Variants in SGIP1 observed in about 807,000 individuals in gnomAD.
SGIP1 encodes the protein SH3GL interacting endocytic adaptor 1.
A neutral mutation model predicts 107.5 loss-of-function variants in SGIP1; 38 were observed. The ratio of observed to expected loss-of-function variants is 0.35; its 90% CI spans 0.27 to 0.46. The LOEUF is 0.46. Ranked by LOEUF, SGIP1 falls within the 20% of genes least tolerant of loss-of-function variation. The pLI, the probability that SGIP1 is intolerant of heterozygous loss-of-function variation, is 1.00. For synonymous variants in SGIP1, 365 were observed against 366.1 expected (o/e 1.00, Z 0.03); for missense variants, 929 against 1,019.5 (o/e 0.91, Z 1.21).
At chr1:66,647,886 C>G (rs1369538078) in intron 7 of SGIP1, among the ~76,000 whole-genome samples, 1 of 152,104 alleles carries the variant, frequency 6.6e-6, no homozygotes, top group African/African-American at 2.4e-5. Context: ...AAAGGATGAA[C>G]AAATGGTAAA....
At chr1:66,656,869 C>G (rs6656550) in intron 7 of SGIP1, among the ~76,000 whole-genome samples, 1 of 151,988 alleles carries the variant, frequency 6.6e-6, no homozygotes, top group Non-Finnish European at 1.5e-5. Context: ...TCCCATTTAT[C>G]AAAATATAAA....
intron 19 of SGIP1, among the ~76,000 whole-genome samples, chr1:66,725,401 T>C (rs536410): frequency 0.44 from 66,597 of 152,064 alleles, 15,897 homozygotes; most frequent in African/African-American, 0.58. Flanking sequence ...ACGTGGAGTC[T>C]CCATGCTCCA....
At chr1:66,673,129 A>G (rs377607917) in intron 11 of SGIP1, 152 bp from the exon 12 acceptor site, 10 of 706,882 alleles carry the variant, frequency 1.4e-5, no homozygotes, top group East Asian at 2.6e-5. Flanking sequence ...AATACTTTCT[A>G]GCCCTAACGG....
At chr1:66,610,945 G>T (rs1481574685) in intron 1 of SGIP1, among the ~76,000 whole-genome samples, 1 of 151,992 alleles carries the variant, frequency 6.6e-6, no homozygotes, top group Non-Finnish European at 1.5e-5. Flanking sequence ...AGGATGCAAA[G>T]TCGTAAGAAT....
At chr1:66,586,444 T>G (rs953832339) in intron 1 of SGIP1, among the ~76,000 whole-genome samples, 1 of 152,128 alleles carries the variant, frequency 6.6e-6, no homozygotes, top group Non-Finnish European at 1.5e-5. Context: ...AACATGTTTT[T>G]TCAGAATTAT....
chr1:66,656,627 A>C (rs539690744), intron 7 of SGIP1, among the ~76,000 whole-genome samples: 30 of 152,312 alleles, frequency 2.0e-4, no homozygotes, highest in Admixed American at 5.9e-4. Flanking sequence ...ACAATGCATG[A>C]CAGTATTTAT....
chr1:66,676,968 T>A (rs774345908), intron 12 of SGIP1, 36 bp from the exon 13 acceptor site: 1 of 1,543,310 alleles, frequency 6.5e-7, no homozygotes, highest in Non-Finnish European at 8.8e-7. Context: ...GGATTTTTTT[T>A]AACTCACCCT....
intron 1 of SGIP1, among the ~76,000 whole-genome samples, chr1:66,609,008 G>GATGAAGGTCACTTATATCCCACAGGC: frequency 6.6e-6 from 1 of 152,008 alleles, no homozygotes; most frequent in Non-Finnish European, 1.5e-5. Context: ...ATCCCACAGG[G>GATGAAGGTCACTTATATCCCACAGGC]ATGAAGGTCA....
At chr1:66,689,338 T>A in intron 16 of SGIP1, 63 bp downstream of exon 16, 1 of 1,575,168 alleles carries the variant, frequency 6.3e-7, no homozygotes, top group Non-Finnish European at 8.6e-7. Context: ...AAGCTCCAAA[T>A]GCCTTCAGGT....
intron 14 of SGIP1, among the ~76,000 whole-genome samples, chr1:66,680,352 A>T (rs143160370): frequency 6.6e-6 from 1 of 152,240 alleles, no homozygotes; most frequent in Non-Finnish European, 1.5e-5. Context: ...AATCAATACT[A>T]TGTATTCATA....
intron 15 of SGIP1, among the ~76,000 whole-genome samples, chr1:66,684,427 A>G (rs563078715): frequency 7.9e-4 from 120 of 152,344 alleles, no homozygotes; most frequent in Non-Finnish European, 1.4e-3. Flanking sequence ...TTGAGGGGAT[A>G]CAAAGCTCCT....
At chr1:66,717,370 C>CTTTA (rs2093305042) in intron 18 of SGIP1, among the ~76,000 whole-genome samples, 1 of 152,092 alleles carries the variant, frequency 6.6e-6, no homozygotes, top group Non-Finnish European at 1.5e-5. Flanking sequence ...TTTATTGTGC[C>CTTTA]TTTACGGTTT....
rs924258220 is a variant in SGIP1 at position 66,559,014 on chromosome 1, AAGG to A, written c.10+24649_10+24651del. 6.2e-4 allele frequency among the ~76,000 whole-genome samples: 94 copies of A among 152,144 alleles called. 1 individual carries two copies. The highest frequency in any genetic ancestry group is 2.2e-3 in the African/African-American group (93 of 41,536). On this transcript the variant is annotated intron_variant, in intron 1 of 24. Transcript: ENST00000371037. ...CTTTATTTCATCTGGGGATGAGGGA[AAGG>A]AGAAGGATGCTAAGCAAACTTGAAA...
intron 1 of SGIP1, among the ~76,000 whole-genome samples, chr1:66,573,424 A>G (rs1463193985): frequency 6.6e-6 from 1 of 152,136 alleles, no homozygotes; most frequent in Non-Finnish European, 1.5e-5. Context: ...ACCCAAAGGA[A>G]TATAAATTAT....
chr1:66,747,423 A>C lies in SGIP1; in HGVS notation c.*4328A>C, dbSNP rs2094567990. 1 of 151,974 alleles carries C rather than the reference A, an allele frequency of 6.6e-6. No homozygotes were observed. The highest frequency in any genetic ancestry group is 1.5e-5 in the Non-Finnish European group (1 of 67,898). The allele number at this position is 151,974 out of a possible 1,614,324, so 9.4% of individuals were successfully genotyped here. Reference sequence around the variant, plus strand: ...AGGAAAATCCCTATCTTTTTCTTAAAGTTACTCTGTTATACTATCTCAGTC... The same window carrying C: ...AGGAAAATCCCTATCTTTTTCTTAACGTTACTCTGTTATACTATCTCAGTC... On this transcript the variant is annotated 3_prime_UTR_variant, in exon 25 of 25. Coordinates refer to ENST00000371037, the MANE Select transcript of SGIP1 (RefSeq NM_032291.4).
At chr1:66,674,757 G>A (rs956667257) in intron 12 of SGIP1, among the ~76,000 whole-genome samples, 1 of 152,182 alleles carries the variant, frequency 6.6e-6, no homozygotes, top group Admixed American at 6.5e-5. Flanking sequence ...GTGGGGTGAG[G>A]ACCACTGGAA....
intron 1 of SGIP1, among the ~76,000 whole-genome samples, chr1:66,625,281 C>T (rs1283567516): frequency 6.6e-6 from 1 of 151,998 alleles, no homozygotes; most frequent in South Asian, 2.1e-4. Flanking sequence ...AAGTAAGGAC[C>T]GAACAAGAAA....
At position 66,743,845 on chromosome 1, in the gene SGIP1, G is replaced by T. The variant is rs894240878; in HGVS notation, c.*750G>T. ...AAAGCAATTCATATTTAAAGTTTAA[G>T]TATATTAAATTATAATCAAGAGTAA... On this transcript the variant is annotated 3_prime_UTR_variant, in exon 25 of 25. Coordinates refer to ENST00000371037, the MANE Select transcript of SGIP1 (RefSeq NM_032291.4). 4 of 152,350 alleles carry T rather than the reference G, an allele frequency of 2.6e-5. No individual in the cohort carries two copies. The highest frequency in any genetic ancestry group is 7.3e-5 in the African/African-American group (3 of 41,252). The allele number at this position is 152,350 out of a possible 1,614,324, so 9.4% of individuals were successfully genotyped here. A position where few individuals can be genotyped will look rare whatever the true frequency, so the allele number is the denominator to read the frequency against.
At chr1:66,673,653 AGT>A (rs1374521213) in intron 12 of SGIP1, among the ~76,000 whole-genome samples, 69 of 152,352 alleles carry the variant, frequency 4.5e-4, no homozygotes, top group Non-Finnish European at 1.8e-4. Flanking sequence ...CCGGTCATGG[AGT>A]AAACACTCTG....
Sources: gnomAD v4.1 joint callset for allele counts (sites outside exome capture counted in the v4.1 genomes callset) on GRCh38, gnomAD v4.1.1 for gene constraint, MANE v1.5 for transcripts, NCBI Gene and HGNC (gene_info 2026-07-23, HGNC 2026-07-21) for gene names.